PCDHGB5: variants seen among roughly 807,000 people sequenced by gnomAD.
PCDHGB5 encodes the protein protocadherin gamma-B5.
Under a neutral mutation model 62.9 loss-of-function variants are expected in PCDHGB5, and 48 were observed. The ratio of observed to expected loss-of-function variants is 0.76; its 90% CI spans 0.61 to 0.97. The LOEUF is 0.97. PCDHGB5 is among the 50% of genes least tolerant of loss of function. The pLI is 0.00. For missense variants in PCDHGB5, 1,118 were observed against 1,198.6 expected, an observed-to-expected ratio of 0.93 and a Z score of 0.99; for synonymous variants, 474 against 511.2, an observed-to-expected ratio of 0.93 and a Z score of 0.98.
intron 1 of PCDHGB5, chr5:141,413,071 G>A (rs1589838233): frequency 1.7e-6 from 2 of 1,211,262 alleles, no homozygotes; most frequent in Admixed American, 2.8e-5. Flanking sequence ...AATTTAAAGT[G>A]CCCAGGCTAC....
chr5:141,419,151 C>G, intron 1 of PCDHGB5: 3 of 1,613,918 alleles, frequency 1.9e-6, no homozygotes, highest in Non-Finnish European at 1.7e-6. Flanking sequence ...GGCAAGCCTC[C>G]GTTATCCTCC....
Position 141,403,062 on chromosome 5 carries a change from A to G in PCDHGB5, c.2397+2538A>G, listed in dbSNP as rs780758422. On this transcript the variant is annotated intron_variant, in intron 1 of 3. Transcript: ENST00000617380. ...AGTCAGATTCGCTACTCAGTGCCTG[A>G]AGAGACAGAAAAGGGCTATATTGTG... is the stretch of plus-strand genomic sequence containing the variant. The G allele has an allele frequency of 7.4e-6, 12 of 1,613,964 alleles. 1 individual carries two copies. The South Asian group carries it at 1.1e-4, about 15-fold the overall frequency.
At chr5:141,408,962 A>G (rs1561716536) in intron 1 of PCDHGB5, 3 of 1,613,638 alleles carry the variant, frequency 1.9e-6, no homozygotes, top group Admixed American at 3.3e-5. Flanking sequence ...TCTTAGTGAA[A>G]ATCTGCCCCC....
In PCDHGB5 at chr5:141,408,106, G is replaced by A. The variant is rs1474157141; in HGVS notation, c.2397+7582G>A. The A allele has an allele frequency of 8.3e-6, 12 of 1,444,288 alleles. No individual in the cohort carries two copies. In the East Asian group the frequency reaches 2.7e-4, roughly 33 times the overall value. 89.5% of individuals were successfully genotyped at this position (1,444,288 alleles called of 1,614,324 possible). On this transcript the variant is annotated intron_variant, in intron 1 of 3. Transcript: ENST00000617380. ...AGCGGATTGCCAGCTCCGAGACCCG[G>A]GACTCCTCCTGTCCTGGGCCGAATG...
chr5:141,420,683 G>A (rs1308504595), intron 1 of PCDHGB5, among the ~76,000 whole-genome samples: 1 of 152,190 alleles, frequency 6.6e-6, no homozygotes, highest in Non-Finnish European at 1.5e-5. Context: ...ATTTTATCGG[G>A]ACCGTATTAT....
At chr5:141,430,682 C>A (rs2097302907) in intron 1 of PCDHGB5, 1 of 1,361,564 alleles carries the variant, frequency 7.3e-7, no homozygotes, top group South Asian at 1.7e-5. Flanking sequence ...CCAACTGTCC[C>A]ATTCTATGGG....
At position 141,505,403 on chromosome 5, in the gene PCDHGB5, G is replaced by A; in HGVS notation, c.2467G>A (p.Gly823Ser). The A allele has an allele frequency of 6.2e-7, 1 of 1,614,186 alleles. No individual in the cohort carries two copies. The highest frequency in any genetic ancestry group is 8.5e-7 in the Non-Finnish European group (1 of 1,180,038). ...QRPGTSGSQN[G>S]DDTGTWPNNQ... ...CTACTCTCTCCCCAGCTCCCAAAAT[G>A]GCGATGACACCGGCACCTGGCCCAA... Residue 823 changes from glycine (G) to serine (S), a missense_variant, in exon 3 of 4, where the codon GGC (glycine) becomes AGC (serine). This residue lies in a region of PCDHGB5 where 1,034 missense variants were observed against 1,029.1 expected (regional missense o/e 1.00). Coordinates refer to ENST00000617380, the MANE Select transcript of PCDHGB5 (RefSeq NM_018925.3).
intron 2 of PCDHGB5, among the ~76,000 whole-genome samples, chr5:141,503,324 C>T (rs1389385473): frequency 7.9e-5 from 12 of 152,014 alleles, no homozygotes; most frequent in South Asian, 2.1e-4. Context: ...TGGAGGGGCG[C>T]GGTGGCTCAC....
intron 1 of PCDHGB5, among the ~76,000 whole-genome samples, chr5:141,475,097 T>C (rs180692931): frequency 6.6e-6 from 1 of 152,370 alleles, no homozygotes; most frequent in East Asian, 1.9e-4. Context: ...TTTATAAAGA[T>C]CCTAGGTGGT....
intron 1 of PCDHGB5, chr5:141,415,164 G>A: frequency 1.9e-6 from 3 of 1,613,838 alleles, no homozygotes; most frequent in African/African-American, 2.7e-5. Flanking sequence ...CCACTGTCAC[G>A]CTCACCGTGG....
At chr5:141,495,015 G>C in intron 2 of PCDHGB5, 150 bp downstream of exon 2, 2 of 1,507,428 alleles carry the variant, frequency 1.3e-6, no homozygotes, top group East Asian at 4.9e-5. Flanking sequence ...CGGGGGGCTG[G>C]CACACAGACC....
At chr5:141,419,602 C>G (rs757423030) in intron 1 of PCDHGB5, 3 of 1,611,874 alleles carry the variant, frequency 1.9e-6, no homozygotes, top group African/African-American at 2.7e-5. Context: ...TGCCGCGGGC[C>G]GCGCAGCCAG....
chr5:141,447,805 G>T (rs1389870133), intron 1 of PCDHGB5, among the ~76,000 whole-genome samples: 2 of 152,064 alleles, frequency 1.3e-5, no homozygotes, highest in African/African-American at 4.8e-5. Context: ...AATAAAATTG[G>T]CTGGGCGTGG....
At chr5:141,453,331 C>G (rs1224258701) in intron 1 of PCDHGB5, among the ~76,000 whole-genome samples, 1 of 151,962 alleles carries the variant, frequency 6.6e-6, no homozygotes, top group East Asian at 1.9e-4. Flanking sequence ...TGGGGTCTCA[C>G]TATGTTTCCC....
chr5:141,468,749 C>G (rs1237051053), intron 1 of PCDHGB5, among the ~76,000 whole-genome samples: 1 of 151,962 alleles, frequency 6.6e-6, no homozygotes, highest in Non-Finnish European at 1.5e-5. Context: ...GCCTGTAGTC[C>G]CAGCTACTCG....
intron 1 of PCDHGB5, chr5:141,419,837 C>G (rs778271441): frequency 1.2e-6 from 2 of 1,614,090 alleles, no homozygotes; most frequent in South Asian, 2.2e-5. Context: ...CACTGCCACG[C>G]TGCACCTGGT....
intron 1 of PCDHGB5, chr5:141,415,652 A>AG: frequency 6.3e-7 from 1 of 1,590,778 alleles, no homozygotes; most frequent in African/African-American, 1.4e-5. Flanking sequence ...AAAAAAAAAA[A>AG]GATTGGTTTT....
At chr5:141,415,015 A>C (rs2095814085) in intron 1 of PCDHGB5, 1 of 1,613,598 alleles carries the variant, frequency 6.2e-7, no homozygotes, top group East Asian at 2.2e-5. Flanking sequence ...CCGTCTGCTC[A>C]AGGCCAGCGA....
At chr5:141,474,156 A>T (rs1387216017) in intron 1 of PCDHGB5, among the ~76,000 whole-genome samples, 1 of 152,244 alleles carries the variant, frequency 6.6e-6, no homozygotes, top group Non-Finnish European at 1.5e-5. Context: ...CAAGAAAATG[A>T]CAGGCCTTAT....
Sources: gnomAD v4.1 joint callset for allele counts (sites outside exome capture counted in the v4.1 genomes callset) on GRCh38, gnomAD v4.1.1 for gene constraint, gnomAD v4.1.1 regional missense constraint, MANE v1.5 for transcripts, NCBI Gene and HGNC (gene_info 2026-07-23, HGNC 2026-07-21) for gene names.